The following SLX4 variants were observed in gnomAD, a reference collection of about 807,000 sequenced individuals.
SLX4 encodes the protein SLX4 structure-specific endonuclease subunit.
SLX4 carries 112 observed loss-of-function variants against 146.2 expected under a neutral mutation model. That is an observed-to-expected ratio of 0.77 (90% CI 0.66 to 0.90). The LOEUF (loss-of-function observed/expected upper bound fraction) is 0.90. SLX4 is among the 40% of genes least tolerant of loss of function. The pLI is 0.00. For synonymous variants in SLX4, 1,061 were observed against 997.7 expected (o/e 1.06, Z -1.20); for missense variants, 2,563 against 2,392.7 (o/e 1.07, Z -1.49).
Position 3,597,737 on chromosome 16 carries a change from T to G in SLX4, c.1367-42A>C, listed in dbSNP as rs1265778362. 4 of 1,614,062 alleles carry G rather than the reference T, an allele frequency of 2.5e-6. No individual in the cohort carries two copies. In the Admixed American group the frequency reaches 5.0e-5, roughly 20 times the overall value. Reference sequence around the variant, plus strand: ...GCGACACCATCAACGGTGGAGTCGGTCCACTCACCCGGGACCTGCTGATGG... The same window carrying G: ...GCGACACCATCAACGGTGGAGTCGGGCCACTCACCCGGGACCTGCTGATGG... On this transcript the variant is annotated intron_variant, in intron 6 of 14. Coordinates refer to ENST00000294008, the MANE Select transcript of SLX4 (RefSeq NM_032444.4). This position sits in a 1 kb window ranked among gnomAD's most constrained non-coding sequence, Gnocchi z 4.4.
chr16:3,605,190 C>G (rs546951004), intron 3 of SLX4, among the ~76,000 whole-genome samples: 1 of 151,388 alleles, frequency 6.6e-6, no homozygotes, highest in Non-Finnish European at 1.5e-5. Context: ...CCCAGGTTCA[C>G]GCCATTCTCC....
At chr16:3,585,754 C>T (rs1280805251) in intron 12 of SLX4, among the ~76,000 whole-genome samples, 1 of 89,960 alleles carries the variant, frequency 1.1e-5, no homozygotes, top group Non-Finnish European at 2.2e-5. Flanking sequence ...ATGGCCATAA[C>T]AAAAAACACA....
chr16:3,582,285 A>C lies in SLX4; in HGVS notation c.*57T>G. ...GCTGGGTGTCCCAGGTCCTCCCTGC[A>C]AATGGCGGGGGTGGGGGCTGCTGAT... On this transcript the variant is annotated 3_prime_UTR_variant, in exon 15 of 15. Coordinates refer to ENST00000294008, the MANE Select transcript of SLX4 (RefSeq NM_032444.4). 1 of 1,509,472 alleles carries C rather than the reference A, an allele frequency of 6.6e-7. No homozygotes were observed. Among genetic ancestry groups the C allele is most frequent in the Non-Finnish European group, 9.0e-7 (1 of 1,109,764 alleles). 93.5% of individuals were successfully genotyped at this position (1,509,472 alleles called of 1,614,324 possible).
In SLX4 at chr16:3,608,566, C is replaced by T. The variant is rs779288252; in HGVS notation, c.399G>A (p.Pro133=). 1.9e-5 allele frequency: 31 copies of T among 1,614,048 alleles called. 1 individual carries two copies. In the South Asian group the frequency reaches 2.4e-4, roughly 13 times the overall value. The change falls in exon 2 of 15, where the codon CCG becomes CCA. Residue 133 remains proline, a synonymous_variant. Coordinates refer to ENST00000294008, the MANE Select transcript of SLX4 (RefSeq NM_032444.4). ...QRVTKWQASE[P]AHSVNGEGGV... is the part of the protein sequence containing the mutation. The stretch of plus-strand genomic sequence containing the variant: ...CCCCCTCCCCATTCACAGAGTGGGC[C>T]GGTTCACTTGCTTGCCATTTGGTTA...
rs1233948411 is a variant in SLX4 at position 3,589,545 on chromosome 16, C to T, written c.4093G>A (p.Asp1365Asn). The T allele has an allele frequency of 1.2e-6, 2 of 1,610,822 alleles. No individual in the cohort carries two copies. Among genetic ancestry groups the T allele is most frequent in the Non-Finnish European group, 1.7e-6 (2 of 1,178,046 alleles). Residue 1365 changes from aspartate (D) to asparagine (N), a missense_variant, in exon 12 of 15, where the codon GAC becomes AAC. Transcript: ENST00000294008. The surrounding 1 kb of genome is among the most constrained non-coding windows in gnomAD (Gnocchi z 6.2). ...AACCGCCTGCTGAAGTGGGCGCGGT[C>T]CCCTGAGATGGGATGTGGAGCCAGC... ...SPLAPHPISG[D>N]RAHFSRRFLK...
chr16:3,590,484 T>C lies in SLX4; in HGVS notation c.3154A>G (p.Ser1052Gly). Residue 1052 changes from serine (S) to glycine (G), a missense_variant, in exon 12 of 15, where the codon AGT (serine) becomes GGT (glycine). Transcript: ENST00000294008. The surrounding 1 kb of genome is among the most constrained non-coding windows in gnomAD (Gnocchi z 4.8). ...GGSPRGSHHT[S>G]GSSLSTPRSR... ...CGGGGTGTTGACAGGGACGACCCAC[T>C]TGTGTGATGAGACCCGCGGGGACTC... The C allele has an allele frequency of 6.2e-7, 1 of 1,613,992 alleles. No individual in the cohort carries two copies. Among genetic ancestry groups the C allele is most frequent in the Non-Finnish European group, 8.5e-7 (1 of 1,179,922 alleles).
chr16:3,591,458 C>G, intron 11 of SLX4, 148 bp from the exon 12 acceptor site: 1 of 1,216,318 alleles, frequency 8.2e-7, no homozygotes, highest in Non-Finnish European at 1.1e-6. Flanking sequence ...GGTGTCCACA[C>G]TCCTTGCCAG....
chr16:3,589,144 C>T lies in SLX4; in HGVS notation c.4494G>A (p.Leu1498=), dbSNP rs146532299. The T allele has an allele frequency of 4.8e-4, 772 of 1,614,142 alleles. 1 individual carries two copies. Among genetic ancestry groups the T allele is most frequent in the Non-Finnish European group, 5.3e-4 (631 of 1,179,992 alleles). ...TCAGAAAGCTCGGCCTGCTATTCCC[C>T]AGGGAGCCCGCGCCCGAGGACTTCT... The part of the protein sequence containing the change: ...LQEKSSGAGS[L]GNSRPSFLNS... The change falls in exon 12 of 15, where the codon CTG becomes CTA. Residue 1498 remains leucine (L), a synonymous_variant. Transcript: ENST00000294008. The surrounding 1 kb of genome is among the most constrained non-coding windows in gnomAD (Gnocchi z 6.2).
rs979014024 is a variant in SLX4 at position 3,590,447 on chromosome 16, C to G, written c.3191G>C (p.Gly1064Ala). ...GGTTGGGGAGCCCACCTGGGAAGTT[C>G]CGCCACGGGACCGGGGTGTTGACAG... ...SSLSTPRSRG[G>A]TSQVGSPTLL... is the part of the protein sequence containing the mutation. Residue 1064 changes from glycine (G) to alanine (A), a missense_variant, in exon 12 of 15, where the codon GGA becomes GCA. Gly to Ala is a moderately conservative substitution (Grantham distance 60). Transcript: ENST00000294008. This position sits in a 1 kb window ranked among gnomAD's most constrained non-coding sequence, Gnocchi z 4.8. 6.2e-7 allele frequency: 1 copy of G among 1,614,172 alleles called. No homozygotes were observed.
Position 3,591,241 on chromosome 16 carries a change from T to C in SLX4, c.2397A>G (p.Pro799=). 1.2e-6 allele frequency: 2 copies of C among 1,613,520 alleles called. No individual in the cohort carries two copies. Among genetic ancestry groups the C allele is most frequent in the Non-Finnish European group, 8.5e-7 (1 of 1,180,016 alleles). Residue 799 remains proline (P), a synonymous_variant, in exon 12 of 15, where the codon CCA becomes CCG. Coordinates refer to ENST00000294008, the MANE Select transcript of SLX4 (RefSeq NM_032444.4). The stretch of plus-strand genomic sequence containing the variant: ...AATTCTCTGCTTCCTTCTCCTCCCA[T>C]GGTTTGCCCTCTGAGTCAGTGGCAA... The part of the protein sequence containing the change: ...VPIATDSEGK[P]WEEKEAENCE...
At position 3,590,671 on chromosome 16, in the gene SLX4, T is replaced by C. The variant is rs1289502951; in HGVS notation, c.2967A>G (p.Ser989=). The C allele has an allele frequency of 6.2e-7, 1 of 1,614,056 alleles. No individual in the cohort carries two copies. Among genetic ancestry groups the C allele is most frequent in the Non-Finnish European group, 8.5e-7 (1 of 1,180,038 alleles). The part of the protein sequence containing the change: ...DAGDYEQLFS[S]TQGEISEPSQ... The stretch of plus-strand genomic sequence containing the variant: ...ACGGCTCTGAGATCTCTCCCTGAGT[T>C]GATGAGAAGAGCTGTTCGTAATCCC... Residue 989 remains serine (S), a synonymous_variant, in exon 12 of 15, where the codon TCA becomes TCG. Coordinates refer to ENST00000294008, the MANE Select transcript of SLX4 (RefSeq NM_032444.4). This position sits in a 1 kb window ranked among gnomAD's most constrained non-coding sequence, Gnocchi z 4.8.
At position 3,590,161 on chromosome 16, in the gene SLX4, C is replaced by G. The variant is rs1349173708; in HGVS notation, c.3477G>C (p.Glu1159Asp). The G allele has an allele frequency of 4.3e-6, 7 of 1,614,208 alleles. No homozygotes were observed. The highest frequency in any genetic ancestry group is 2.7e-5 in the African/African-American group (2 of 75,044). The change falls in exon 12 of 15, where the codon GAG (glutamate) becomes GAC (aspartate). Residue 1159 changes from glutamate (E) to aspartate (D), a missense_variant. Coordinates refer to ENST00000294008, the MANE Select transcript of SLX4 (RefSeq NM_032444.4). The surrounding 1 kb of genome is among the most constrained non-coding windows in gnomAD (Gnocchi z 4.8). Reference sequence around the variant, plus strand: ...TTTTGGTTTGTTCTAGCTCCAGCTCCTCATCCGAGTCCAGTAAGAGGATGA... The same window carrying G: ...TTTTGGTTTGTTCTAGCTCCAGCTCGTCATCCGAGTCCAGTAAGAGGATGA... ...DEVILLLDSDEELELEQTKMK... is the reference protein window; with the variant it reads ...DEVILLLDSDDELELEQTKMK...
At position 3,582,110 on chromosome 16, in the gene SLX4, G is replaced by A. The variant is rs1304484685; in HGVS notation, c.*232C>T. ...AGCACGGACAGAGGAAGGGGCTGGAGTCTGTAAATCCAGTGGGTGACATGC... is the reference window on the plus strand; with the variant it reads ...AGCACGGACAGAGGAAGGGGCTGGAATCTGTAAATCCAGTGGGTGACATGC... On this transcript the variant is annotated 3_prime_UTR_variant, in exon 15 of 15. Coordinates refer to ENST00000294008, the MANE Select transcript of SLX4 (RefSeq NM_032444.4). The A allele has an allele frequency of 3.4e-6, 2 of 594,018 alleles. No individual in the cohort carries two copies. Among genetic ancestry groups the A allele is most frequent in the African/African-American group, 1.9e-5 (1 of 53,792 alleles). The allele number at this position is 594,018 out of a possible 1,614,324, so 36.8% of individuals were successfully genotyped here.
At chr16:3,596,066 C>G in intron 8 of SLX4, 87 bp downstream of exon 8, 1 of 1,492,370 alleles carries the variant, frequency 6.7e-7, no homozygotes, top group Non-Finnish European at 8.9e-7. Flanking sequence ...CGCGGCGGCA[C>G]AAGAGCCAGT....
chr16:3,601,324 T>C, intron 4 of SLX4, 133 bp from the exon 5 acceptor site: 1 of 864,038 alleles, frequency 1.2e-6, no homozygotes, highest in Non-Finnish European at 1.9e-6. Flanking sequence ...CTACACAGCC[T>C]GGCTCCGTCT....
rs761814315 is a variant in SLX4, at chr16:3,583,363, G to C, written c.4887C>G (p.Leu1629=). 1 of 1,613,282 alleles carries C rather than the reference G, an allele frequency of 6.2e-7. No homozygotes were observed. The highest frequency in any genetic ancestry group is 2.2e-5 in the East Asian group (1 of 44,864). The change falls in exon 14 of 15, where the codon CTC becomes CTG. Residue 1629 remains leucine, a synonymous_variant. Transcript: ENST00000294008. ...PLLQAPHCQT[L]ASQTYKPSRA... is the part of the protein sequence containing the mutation. Reference sequence around the variant, plus strand: ...TTGAAGGCTTGTAGGTCTGGGAGGCGAGGGTCTGGCAGTGAGGCGCCTGCA... The same window carrying C: ...TTGAAGGCTTGTAGGTCTGGGAGGCCAGGGTCTGGCAGTGAGGCGCCTGCA...
At position 3,590,999 on chromosome 16, in the gene SLX4, A is replaced by G; in HGVS notation, c.2639T>C (p.Leu880Pro). The change falls in exon 12 of 15, where the codon CTG becomes CCG. Residue 880 changes from leucine to proline, a missense_variant. Physicochemically the swap from Leu to Pro is moderately conservative, Grantham distance 98. Coordinates refer to ENST00000294008, the MANE Select transcript of SLX4 (RefSeq NM_032444.4). This position sits in a 1 kb window ranked among gnomAD's most constrained non-coding sequence, Gnocchi z 4.8. ...AAGAGEDADW[L>P]EGGSPVSGQL... is the part of the protein sequence containing the mutation. ...CCCAGAAACCGGACTGCCACCCTCC[A>G]GCCAGTCAGCGTCCTCGCCGGCACC... The G allele has an allele frequency of 1.2e-6, 2 of 1,614,168 alleles. No individual in the cohort carries two copies. Among genetic ancestry groups the G allele is most frequent in the East Asian group, 2.2e-5 (1 of 44,870 alleles).
In SLX4 at chr16:3,606,599, C is replaced by T. The variant is rs575953567; in HGVS notation, c.635G>A (p.Arg212Gln). ...GTCTGCTCTCTTGAACTGCTGCATT[C>T]GCTGTAGGACCAATTGTGCTGTGCG... ...KPRTAQLVLQ[R>Q]MQQFKRADPE... Residue 212 changes from arginine (R) to glutamine (Q), a missense_variant, in exon 3 of 15, where the codon CGA becomes CAA. Arg to Gln is a conservative substitution (Grantham distance 43). Coordinates refer to ENST00000294008, the MANE Select transcript of SLX4 (RefSeq NM_032444.4). The T allele has an allele frequency of 1.8e-5, 29 of 1,614,196 alleles. No individual in the cohort carries two copies. The highest frequency in any genetic ancestry group is 1.1e-4 in the East Asian group (5 of 44,888).
rs1389488864 is a variant in SLX4, at chr16:3,592,737, A to G, written c.2289T>C (p.Pro763=). ...HYLYTADTGL[P]PGLSSELSSL... ...AGCTCAGCTCAGAGCTAAGGCCAGG[A>G]GGAAGGCCAGTGTCCGCAGTGTAGA... The change falls in exon 11 of 15, where the codon CCT becomes CCC. Residue 763 remains proline, a synonymous_variant. Coordinates refer to ENST00000294008, the MANE Select transcript of SLX4 (RefSeq NM_032444.4). The G allele has an allele frequency of 1.2e-6, 2 of 1,613,318 alleles. No individual in the cohort carries two copies. Among genetic ancestry groups the G allele is most frequent in the African/African-American group, 2.7e-5 (2 of 74,928 alleles).
Sources: gnomAD v4.1 joint callset for allele counts (sites outside exome capture counted in the v4.1 genomes callset) on GRCh38, gnomAD v4.1.1 for gene constraint, Gnocchi (gnomAD v3.1) non-coding constraint, MANE v1.5 for transcripts, NCBI Gene and HGNC (gene_info 2026-07-23, HGNC 2026-07-21) for gene names.